TRAPPC9: variants seen among roughly 807,000 people sequenced by gnomAD.
TRAPPC9 encodes IKK2 binding protein.
TRAPPC9 carries 83 observed loss-of-function variants against 124.0 expected under a neutral mutation model. That is an observed-to-expected ratio of 0.67 (90% CI 0.56 to 0.80). The LOEUF (loss-of-function observed/expected upper bound fraction) is 0.80. Among genes scored for constraint, TRAPPC9 ranks in the 30% least tolerant of loss-of-function variants. The pLI is 0.00. For missense variants in TRAPPC9, 1,302 were observed against 1,508.3 expected, an observed-to-expected ratio of 0.86 and a Z score of 2.27; for synonymous variants, 638 against 617.5, an observed-to-expected ratio of 1.03 and a Z score of -0.49.
chr8:139,956,511 G>A lies in TRAPPC9; in HGVS notation c.2810+32215C>T, dbSNP rs146014485. 4.0e-3 allele frequency among the ~76,000 whole-genome samples: 609 copies of A among 152,304 alleles called. 4 individuals carry two copies. Among genetic ancestry groups the A allele is most frequent in the Non-Finnish European group, 5.3e-3 (358 of 68,028 alleles). On this transcript the variant is annotated intron_variant, in intron 19 of 22. Coordinates refer to ENST00000438773, the MANE Select transcript of TRAPPC9 (RefSeq NM_001160372.4). Reference sequence around the variant, plus strand: ...TGTCTCCATCAGCTGCCAGCATAGCGTCTCCTTGATGTTGGGCCTACGCCT... The same window carrying A: ...TGTCTCCATCAGCTGCCAGCATAGCATCTCCTTGATGTTGGGCCTACGCCT...
At chr8:139,736,489 C>T (rs1818170727) in intron 21 of TRAPPC9, among the ~76,000 whole-genome samples, 2 of 152,208 alleles carry the variant, frequency 1.3e-5, no homozygotes, top group African/African-American at 4.8e-5. Flanking sequence ...ATACAGGCAC[C>T]AAATCCCCTG....
rs541267746 is a variant in TRAPPC9 at position 140,148,114 on chromosome 8, C to T, written c.2556+73345G>A. ...GCTCCCTTGTCACGCACACGGGAAG[C>T]CCCCACCGAGTAGGACATGAGGCCC... On this transcript the variant is annotated intron_variant, in intron 17 of 22. Coordinates refer to ENST00000438773, the MANE Select transcript of TRAPPC9 (RefSeq NM_001160372.4). Among the ~76,000 whole-genome samples the T allele has an allele frequency of 2.6e-5, 4 of 152,358 alleles. No individual in the cohort carries two copies. The East Asian group carries it at 5.8e-4, about 22-fold the overall frequency.
chr8:140,341,729 G>A (rs2067200767), intron 9 of TRAPPC9, among the ~76,000 whole-genome samples: 1 of 151,978 alleles, frequency 6.6e-6, no homozygotes, highest in Non-Finnish European at 1.5e-5. Context: ...CTACCAAAAG[G>A]TGTCAAGGAA....
rs573077477 is a variant in TRAPPC9, at chr8:139,788,700, C to T, written c.3056-56498G>A. Reference sequence around the variant, plus strand: ...CTGACGGCCACGCAGAGTCGAGTTACCATCACGCCTGCCTTCGTGGGCGCA... The same window carrying T: ...CTGACGGCCACGCAGAGTCGAGTTATCATCACGCCTGCCTTCGTGGGCGCA... On this transcript the variant is annotated intron_variant, in intron 21 of 22. Transcript: ENST00000438773. The surrounding 1 kb of genome is among the most constrained non-coding windows in gnomAD (Gnocchi z 4.9). Among the ~76,000 whole-genome samples the T allele has an allele frequency of 1.3e-4, 20 of 152,314 alleles. No individual in the cohort carries two copies. The South Asian group carries it at 4.1e-3, about 32-fold the overall frequency.
intron 18 of TRAPPC9, among the ~76,000 whole-genome samples, chr8:139,992,783 T>C (rs1234276632): frequency 2.0e-5 from 3 of 151,810 alleles, no homozygotes; most frequent in Non-Finnish European, 4.4e-5. Flanking sequence ...ACTGGAGAGA[T>C]GATTGTATTG....
chr8:139,903,143 G>C (rs1174492723), intron 20 of TRAPPC9, among the ~76,000 whole-genome samples: 1 of 152,116 alleles, frequency 6.6e-6, no homozygotes, highest in Non-Finnish European at 1.5e-5. Context: ...CTGAGATCAT[G>C]GTTACACCGT....
intron 17 of TRAPPC9, among the ~76,000 whole-genome samples, chr8:140,168,408 T>G (rs775448145): frequency 3.3e-4 from 50 of 152,300 alleles, no homozygotes; most frequent in Admixed American, 2.0e-3. Flanking sequence ...TAGCAGCTGA[T>G]GCCCCTTCTC....
At chr8:140,050,078 C>A (rs919478005) in intron 17 of TRAPPC9, among the ~76,000 whole-genome samples, 2 of 152,180 alleles carry the variant, frequency 1.3e-5, no homozygotes, top group Non-Finnish European at 2.9e-5. Flanking sequence ...ACTGAGTGTA[C>A]AAGGGACACC....
chr8:139,819,357 T>C (rs1825091837), intron 21 of TRAPPC9, among the ~76,000 whole-genome samples: 1 of 152,094 alleles, frequency 6.6e-6, no homozygotes, highest in East Asian at 1.9e-4. Context: ...GTAATAATAG[T>C]AGAAATAAAG....
rs765656679 is a variant in TRAPPC9 at position 140,018,324 on chromosome 8, A to ATTTTTTCTTTTTTTTTTTTTTTTTCT, written c.2699+5612_2699+5613insAGAAAAAAAAAAAAAAAAAGAAAAAA. ...TTGCTGGTATATAGAAACGTAAGTGATTTTTTTTTTTTTTTTTGAGACGGA... is the reference window on the plus strand; with the variant it reads ...TTGCTGGTATATAGAAACGTAAGTGATTTTTTCTTTTTTTTTTTTTTTTTCTTTTTTTTTTTTTTTTTTGAGACGGA... On this transcript the variant is annotated intron_variant, in intron 18 of 22. Transcript: ENST00000438773. 1.9e-4 allele frequency among the ~76,000 whole-genome samples: 23 copies of ATTTTTTCTTTTTTTTTTTTTTTTTCT among 119,782 alleles called. 1 individual carries two copies. Among genetic ancestry groups the ATTTTTTCTTTTTTTTTTTTTTTTTCT allele is most frequent in the African/African-American group, 7.2e-4 (22 of 30,692 alleles). The allele number at this position is 119,782 out of a possible 152,430, so 78.6% of individuals were successfully genotyped here.
chr8:140,317,594 A>G (rs2066473866), intron 9 of TRAPPC9, among the ~76,000 whole-genome samples: 1 of 152,180 alleles, frequency 6.6e-6, no homozygotes. Flanking sequence ...CAACTTACAA[A>G]GTTTTCACAG....
At chr8:140,137,111 C>T (rs2061316613) in intron 17 of TRAPPC9, among the ~76,000 whole-genome samples, 2 of 152,102 alleles carry the variant, frequency 1.3e-5, no homozygotes, top group Admixed American at 6.5e-5. Context: ...AAGGAAGGGC[C>T]AGCACCCACA....
intron 5 of TRAPPC9, among the ~76,000 whole-genome samples, chr8:140,423,931 T>C (rs1019700589): frequency 6.6e-6 from 1 of 151,978 alleles, no homozygotes; most frequent in African/African-American, 2.4e-5. Context: ...AGGCAAATAA[T>C]AGAGAAAGAA....
Position 140,271,610 on chromosome 8 carries a change from G to A in TRAPPC9, c.2278+4048C>T, listed in dbSNP as rs554476482. ...AAGGGCAAAGTCCTCATACAAAAGA[G>A]GATATACGAGTGGCCAGAACATTGG... On this transcript the variant is annotated intron_variant, in intron 15 of 22. Coordinates refer to ENST00000438773, the MANE Select transcript of TRAPPC9 (RefSeq NM_001160372.4). 5.3e-5 allele frequency among the ~76,000 whole-genome samples: 8 copies of A among 152,236 alleles called. No individual in the cohort carries two copies. In the South Asian group the frequency reaches 1.7e-3, roughly 32 times the overall value.
chr8:140,223,605 G>A (rs1380853849), intron 16 of TRAPPC9, among the ~76,000 whole-genome samples: 1 of 152,200 alleles, frequency 6.6e-6, no homozygotes, highest in Non-Finnish European at 1.5e-5. Flanking sequence ...CTTGTGATAA[G>A]ATGAAGAGTA....
At chr8:140,456,899 G>A (rs2071686388) in intron 1 of TRAPPC9, 1 of 942,196 alleles carries the variant, frequency 1.1e-6, no homozygotes, top group Non-Finnish European at 1.3e-6. Context: ...TCGGTTAACA[G>A]ACATTCACGT....
chr8:140,076,046 G>A (rs1302986392), intron 17 of TRAPPC9, among the ~76,000 whole-genome samples: 1 of 152,184 alleles, frequency 6.6e-6, no homozygotes, highest in Non-Finnish European at 1.5e-5. Flanking sequence ...CATGATTCTT[G>A]TAAACCTCAG....
At chr8:140,012,675 G>A (rs966065701) in intron 18 of TRAPPC9, among the ~76,000 whole-genome samples, 3 of 152,156 alleles carry the variant, frequency 2.0e-5, no homozygotes, top group Non-Finnish European at 4.4e-5. Flanking sequence ...CAGTGACTAG[G>A]GTCCTGATGC....
chr8:139,757,608 G>A (rs1287978244), intron 21 of TRAPPC9, among the ~76,000 whole-genome samples: 2 of 152,036 alleles, frequency 1.3e-5, no homozygotes, highest in Non-Finnish European at 2.9e-5. Flanking sequence ...GAAGTGGGCT[G>A]TGCAGTGGGC....
Sources: allele counts gnomAD v4.1 joint callset (sites outside exome capture counted in the v4.1 genomes callset), GRCh38; gene constraint gnomAD v4.1.1; non-coding constraint Gnocchi (gnomAD v3.1); transcripts MANE v1.5; gene names NCBI Gene and HGNC (gene_info 2026-07-23, HGNC 2026-07-21).